The following KLF12 variants were observed in gnomAD, a reference collection of about 807,000 sequenced individuals.
The protein encoded by KLF12 is Krueppel-like factor 12.
Under a neutral mutation model 37.8 loss-of-function variants are expected in KLF12, and 9 were observed. The observed-to-expected ratio is 0.24, with a 90% CI of 0.14 to 0.42. The LOEUF (loss-of-function observed/expected upper bound fraction) is 0.42. Ranked by LOEUF, KLF12 falls within the 10% of genes least tolerant of loss-of-function variation. KLF12 has a pLI of 1.00. For missense variants in KLF12, 411 were observed against 516.0 expected, an observed-to-expected ratio of 0.80 and a Z score of 1.97; for synonymous variants, 208 against 202.1, an observed-to-expected ratio of 1.03 and a Z score of -0.25.
the KLF12 span, among the ~76,000 whole-genome samples, chr13:74,179,704 A>G: frequency 4.2e-4 from 64 of 152,302 alleles, no homozygotes; most frequent in African/African-American, 1.4e-3. Context: ...CAAAATCAAC[A>G]CTGCAGAATA....
At chr13:73,858,482 T>C (rs1885728163) in intron 3 of KLF12, among the ~76,000 whole-genome samples, 1 of 152,198 alleles carries the variant, frequency 6.6e-6, no homozygotes, top group African/African-American at 2.4e-5. Context: ...ACTGCTGCAT[T>C]ACCGGGTGAT....
chr13:74,305,675 A>C, the KLF12 span, among the ~76,000 whole-genome samples: 1 of 152,084 alleles, frequency 6.6e-6, no homozygotes, highest in Admixed American at 6.6e-5. Context: ...CTCCCCGAAA[A>C]TATCTCTCTA....
intron 3 of KLF12, among the ~76,000 whole-genome samples, chr13:73,931,567 C>T (rs1333267583): frequency 6.6e-6 from 1 of 152,114 alleles, no homozygotes; most frequent in East Asian, 1.9e-4. Flanking sequence ...AAAGACATAA[C>T]TGTCTCTACA....
chr13:73,694,527 T>C lies in KLF12; in HGVS notation c.*963A>G, dbSNP rs929520835. 6.5e-6 allele frequency: 1 copy of C among 152,714 alleles called. No homozygotes were observed. The highest frequency in any genetic ancestry group is 1.5e-5 in the Non-Finnish European group (1 of 68,068). The allele number at this position is 152,714 out of a possible 1,614,324, so 9.5% of individuals were successfully genotyped here. ...GCGCATTATTTCCATCTCTGCTTTG[T>C]CTGAGTTTTCATGTTCACTGACTTT... On this transcript the variant is annotated 3_prime_UTR_variant, in exon 8 of 8. Coordinates refer to ENST00000377669, the MANE Select transcript of KLF12 (RefSeq NM_007249.5).
chr13:73,749,739 T>C (rs1878618955), intron 6 of KLF12, among the ~76,000 whole-genome samples: 1 of 152,170 alleles, frequency 6.6e-6, no homozygotes, highest in Non-Finnish European at 1.5e-5. Flanking sequence ...ATCCCAATCT[T>C]TTATAATACT....
chr13:74,033,363 C>T (rs1487222071), intron 1 of KLF12, among the ~76,000 whole-genome samples: 2 of 152,340 alleles, frequency 1.3e-5, no homozygotes, highest in Admixed American at 1.3e-4. Context: ...CCTGGCTCCA[C>T]ACTTCCAACT....
chr13:74,202,689 G>C, the KLF12 span, among the ~76,000 whole-genome samples: 1 of 152,042 alleles, frequency 6.6e-6, no homozygotes, highest in Non-Finnish European at 1.5e-5. Flanking sequence ...GGATAGATCA[G>C]CTCCCTAACC....
the KLF12 span, among the ~76,000 whole-genome samples, chr13:74,165,538 A>G: frequency 2.0e-5 from 3 of 152,000 alleles, no homozygotes; most frequent in African/African-American, 4.8e-5. Flanking sequence ...CCCTCAACTG[A>G]TCTACTCACC....
chr13:73,731,338 G>A (rs566043958), intron 6 of KLF12, among the ~76,000 whole-genome samples: 5 of 151,848 alleles, frequency 3.3e-5, no homozygotes, highest in Non-Finnish European at 7.4e-5. Context: ...AATGACAACC[G>A]AGTAGCACTT....
intron 5 of KLF12, among the ~76,000 whole-genome samples, chr13:73,810,236 C>A (rs993429445): frequency 6.6e-6 from 1 of 151,370 alleles, no homozygotes; most frequent in African/African-American, 2.4e-5. Context: ...CAGAGCGAGA[C>A]GCCATCTCAA....
chr13:73,790,864 A>G (rs1881643756), intron 5 of KLF12, among the ~76,000 whole-genome samples: 1 of 152,168 alleles, frequency 6.6e-6, no homozygotes, highest in African/African-American at 2.4e-5. Context: ...CAAGTTCAGG[A>G]GTAAGGGCTC....
the KLF12 span, among the ~76,000 whole-genome samples, chr13:74,215,305 T>C: frequency 4.6e-5 from 7 of 152,160 alleles, no homozygotes; most frequent in African/African-American, 1.7e-4. Flanking sequence ...TTTTTAATTT[T>C]AGCAATGTTA....
chr13:74,072,362 CAAATATATATATATAT>C (rs1874301524), intron 1 of KLF12, among the ~76,000 whole-genome samples: 1 of 31,332 alleles, frequency 3.2e-5, no homozygotes, highest in Non-Finnish European at 7.1e-5. Context: ...TTAAGAAATA[CAAATATATATATATAT>C]ATATATATAT....
chr13:74,102,200 A>C (rs1367804274), intron 1 of KLF12, among the ~76,000 whole-genome samples: 1 of 151,242 alleles, frequency 6.6e-6, no homozygotes, highest in Non-Finnish European at 1.5e-5. Context: ...CCTGGGTGAC[A>C]GAGCAAGACT....
chr13:73,839,708 C>T (rs1458751395), intron 4 of KLF12, among the ~76,000 whole-genome samples: 7 of 152,054 alleles, frequency 4.6e-5, no homozygotes, highest in Non-Finnish European at 7.4e-5. Context: ...CTTAATTGCA[C>T]GTTATTGCTT....
chr13:74,177,448 A>C, the KLF12 span, among the ~76,000 whole-genome samples: 1 of 152,188 alleles, frequency 6.6e-6, no homozygotes, highest in East Asian at 1.9e-4. Context: ...AGTGAACTTG[A>C]AAATAGGGAG....
chr13:74,231,381 A>C, the KLF12 span: 1 of 152,318 alleles, frequency 6.6e-6, no homozygotes, highest in South Asian at 2.1e-4. Flanking sequence ...TTTTGTTCTT[A>C]CTTTCACATC....
intron 3 of KLF12, among the ~76,000 whole-genome samples, chr13:73,925,518 T>C (rs1409673668): frequency 6.6e-6 from 1 of 152,196 alleles, no homozygotes; most frequent in Non-Finnish European, 1.5e-5. Context: ...ACTTTGACAA[T>C]GTACCTAGTC....
the KLF12 span, among the ~76,000 whole-genome samples, chr13:74,264,435 C>T: frequency 2.6e-5 from 4 of 152,164 alleles, no homozygotes; most frequent in Admixed American, 2.6e-4. Flanking sequence ...CTTATCCCCT[C>T]TTCAGCTTCT....
Sources: allele counts gnomAD v4.1 joint callset (sites outside exome capture counted in the v4.1 genomes callset), GRCh38; gene constraint gnomAD v4.1.1; transcripts MANE v1.5; gene names NCBI Gene and HGNC (gene_info 2026-07-23, HGNC 2026-07-21).